CA1: variants seen among roughly 807,000 people sequenced by gnomAD.
The protein encoded by CA1 is carbonic anhydrase 1.
A neutral mutation model predicts 28.8 loss-of-function variants in CA1; 27 were observed. The observed-to-expected ratio is 0.94, with a 90% CI of 0.69 to 1.29. CA1 has a LOEUF of 1.29. Among genes scored for constraint, CA1 ranks in the 50% most tolerant of loss-of-function variants. CA1 has a pLI of 0.00. For synonymous variants in CA1, 121 were observed against 108.8 expected, an observed-to-expected ratio of 1.11 and a Z score of -0.70; for missense variants, 335 against 310.5, an observed-to-expected ratio of 1.08 and a Z score of -0.59.
intron 1 of CA1, among the ~76,000 whole-genome samples, chr8:85,349,028 C>A (rs1434455846): frequency 6.6e-6 from 1 of 152,166 alleles, no homozygotes. Context: ...CCCCTCACCC[C>A]GGGGTTTTTC....
intron 1 of CA1, among the ~76,000 whole-genome samples, chr8:85,361,278 A>G (rs1480019222): frequency 6.6e-6 from 1 of 152,214 alleles, no homozygotes; most frequent in African/African-American, 2.4e-5. Context: ...GACTCCTCCA[A>G]ATCATCAAAT....
Position 85,338,238 on chromosome 8 carries a change from G to C in CA1, c.235+14C>G. The C allele has an allele frequency of 6.2e-7, 1 of 1,602,670 alleles. No homozygotes were observed. Among genetic ancestry groups the C allele is most frequent in the South Asian group, 1.1e-5 (1 of 90,856 alleles). On this transcript the variant is annotated intron_variant, in intron 3 of 7. Transcript: ENST00000523022. ...ACTGTAAGAAAAAAATATCAGAAGG[G>C]TCTTTCAGCTCACCTGATCGGTTAT...
rs1358482510 is a variant in CA1, at chr8:85,347,927, A to G, written c.-24-6268T>C. 2.0e-5 allele frequency among the ~76,000 whole-genome samples: 3 copies of G among 152,218 alleles called. No homozygotes were observed. The East Asian group carries it at 5.8e-4, about 29-fold the overall frequency. On this transcript the variant is annotated intron_variant, in intron 1 of 7. Coordinates refer to ENST00000523022, the MANE Select transcript of CA1 (RefSeq NM_001128831.4). ...CTATTAGGCATTGGATTATATGAACAAAAGTTATTTATACTGAAGTGATGT... is the reference window on the plus strand; with the variant it reads ...CTATTAGGCATTGGATTATATGAACGAAAGTTATTTATACTGAAGTGATGT...
rs1809749120 is a variant in CA1, at chr8:85,360,454, G to T, written c.-25+17592C>A. 3.9e-5 allele frequency among the ~76,000 whole-genome samples: 6 copies of T among 152,166 alleles called. No individual in the cohort carries two copies. In the South Asian group the frequency reaches 1.2e-3, roughly 32 times the overall value. Reference sequence around the variant, plus strand: ...GGCCCATAATCCCAGCACTTTGGGTGGTCAAGGCAGGAGTATCACTTGAGC... The same window carrying T: ...GGCCCATAATCCCAGCACTTTGGGTTGTCAAGGCAGGAGTATCACTTGAGC... On this transcript the variant is annotated intron_variant, in intron 1 of 7. Transcript: ENST00000523022.
At chr8:85,333,780 C>CT (rs1808514453) in intron 4 of CA1, among the ~76,000 whole-genome samples, 160 bp from the exon 5 acceptor site, 1 of 152,138 alleles carries the variant, frequency 6.6e-6, no homozygotes, top group Non-Finnish European at 1.5e-5. Flanking sequence ...CATTCTCACT[C>CT]GTAGGAAGGG....
chr8:85,355,800 CTTA>C (rs924114214), intron 1 of CA1, among the ~76,000 whole-genome samples: 14 of 151,646 alleles, frequency 9.2e-5, no homozygotes, highest in Admixed American at 6.6e-5. Context: ...TGAAGCTAAA[CTTA>C]TTATGTGAAC....
chr8:85,356,288 G>A (rs1209203554), intron 1 of CA1, among the ~76,000 whole-genome samples: 1 of 152,062 alleles, frequency 6.6e-6, no homozygotes, highest in East Asian at 1.9e-4. Flanking sequence ...TTTTTTGTTT[G>A]TGAGGCAGAA....
intron 1 of CA1, among the ~76,000 whole-genome samples, chr8:85,343,558 T>C (rs1809012591): frequency 6.6e-6 from 1 of 152,174 alleles, no homozygotes; most frequent in African/African-American, 2.4e-5. Flanking sequence ...GGCTACCCCC[T>C]GCCAGGTAAT....
chr8:85,333,723 A>G, intron 4 of CA1, 103 bp from the exon 5 acceptor site: 1 of 756,838 alleles, frequency 1.3e-6, no homozygotes, highest in Non-Finnish European at 2.3e-6. Flanking sequence ...CTTGGCTTAG[A>G]TACATAAAAC....
chr8:85,370,550 T>C (rs1157836043), intron 1 of CA1, among the ~76,000 whole-genome samples: 2 of 152,198 alleles, frequency 1.3e-5, no homozygotes, highest in Non-Finnish European at 2.9e-5. Context: ...GATTAAAACA[T>C]TCTAGCTCAT....
At chr8:85,348,740 T>C (rs1329699187) in intron 1 of CA1, among the ~76,000 whole-genome samples, 2 of 152,248 alleles carry the variant, frequency 1.3e-5, no homozygotes, top group Non-Finnish European at 2.9e-5. Flanking sequence ...CTTTGAGTAA[T>C]GCTGTTTCTT....
chr8:85,337,534 G>A (rs189293789), intron 3 of CA1, among the ~76,000 whole-genome samples: 1 of 152,210 alleles, frequency 6.6e-6, no homozygotes, highest in Admixed American at 6.5e-5. Context: ...GCTTTGTTGA[G>A]AATCCCTGGC....
intron 1 of CA1, among the ~76,000 whole-genome samples, chr8:85,356,473 G>C (rs781605685): frequency 6.6e-6 from 1 of 151,940 alleles, no homozygotes. Context: ...TAAATGCAAG[G>C]TACTCTTATT....
intron 1 of CA1, among the ~76,000 whole-genome samples, chr8:85,371,558 G>A (rs1191962014): frequency 5.3e-5 from 8 of 152,128 alleles, no homozygotes; most frequent in Non-Finnish European, 1.2e-4. Context: ...CCCAGCTGGG[G>A]CAGCATCCTT....
chr8:85,362,773 A>C (rs1288582651), intron 1 of CA1, among the ~76,000 whole-genome samples: 1 of 152,218 alleles, frequency 6.6e-6, no homozygotes, highest in Non-Finnish European at 1.5e-5. Context: ...GCTGTAGTTG[A>C]TGTAGCAGAA....
intron 1 of CA1, among the ~76,000 whole-genome samples, chr8:85,351,019 A>G (rs1433271800): frequency 6.6e-6 from 1 of 152,148 alleles, no homozygotes; most frequent in African/African-American, 2.4e-5. Flanking sequence ...GCAGAGTTGG[A>G]CAGGATTTTA....
chr8:85,350,640 C>T (rs1362997559), intron 1 of CA1, among the ~76,000 whole-genome samples: 2 of 152,156 alleles, frequency 1.3e-5, no homozygotes, highest in Admixed American at 1.3e-4. Flanking sequence ...AGTTTTCCAT[C>T]ATCACCCAGG....
At chr8:85,375,339 A>AC (rs1398680604) in intron 1 of CA1, among the ~76,000 whole-genome samples, 2 of 152,128 alleles carry the variant, frequency 1.3e-5, no homozygotes, top group Non-Finnish European at 2.9e-5. Context: ...GGAAGAACTC[A>AC]CCTATCGCAT....
At chr8:85,362,738 G>C (rs1213819069) in intron 1 of CA1, among the ~76,000 whole-genome samples, 2 of 152,112 alleles carry the variant, frequency 1.3e-5, no homozygotes, top group South Asian at 2.1e-4. Flanking sequence ...TCATTCTCTG[G>C]ATATTGATGG....
Sources: gnomAD v4.1 joint callset for allele counts (sites outside exome capture counted in the v4.1 genomes callset) on GRCh38, gnomAD v4.1.1 for gene constraint, MANE v1.5 for transcripts, NCBI Gene and HGNC (gene_info 2026-07-23, HGNC 2026-07-21) for gene names.